PGP: variants seen among roughly 807,000 people sequenced by gnomAD.
PGP encodes the protein aspartate-based ubiquitous Mg(2+)-dependent phosphatase.
PGP carries 9 observed loss-of-function variants against 19.3 expected under a neutral mutation model. That is an observed-to-expected ratio of 0.47 (90% CI 0.28 to 0.81). PGP has a LOEUF of 0.81. PGP is among the 40% of genes least tolerant of loss of function. PGP has a pLI of 0.11. For synonymous variants in PGP, 308 were observed against 226.8 expected (o/e 1.36, Z -3.22); for missense variants, 403 against 479.9 (o/e 0.84, Z 1.50).
rs1486858995 is a variant in PGP at position 2,211,684 on chromosome 16, T to G, written c.*2044A>C. On this transcript the variant is annotated 3_prime_UTR_variant, in exon 2 of 2. Coordinates refer to ENST00000333503, the MANE Select transcript of PGP (RefSeq NM_001042371.3). ...CCACCTGCCTCAGCCTTCCAAAGCG[T>G]TGGGATTACGGGTGTGAGCCACTGC... The G allele has an allele frequency of 2.0e-6, 2 of 984,932 alleles. No homozygotes were observed. The highest frequency in any genetic ancestry group is 3.5e-5 in the African/African-American group (2 of 57,226). 61.0% of individuals were successfully genotyped at this position (984,932 alleles called of 1,614,324 possible). A position where few individuals can be genotyped will look rare whatever the true frequency, so the allele number is the denominator to read the frequency against.
Position 2,213,508 on chromosome 16 carries a change from C to G in PGP, c.*220G>C. On this transcript the variant is annotated 3_prime_UTR_variant, in exon 2 of 2. Coordinates refer to ENST00000333503, the MANE Select transcript of PGP (RefSeq NM_001042371.3). ...AAGGCCCAGAACCCAGCCCACAACG[C>G]CTTCCAAGCCTAAAAGTGCATCTTC... The G allele has an allele frequency of 1.6e-6, 1 of 639,174 alleles. No individual in the cohort carries two copies. The highest frequency in any genetic ancestry group is 4.8e-4 in the Middle Eastern group (1 of 2,070). 39.6% of individuals were successfully genotyped at this position (639,174 alleles called of 1,614,324 possible).
chr16:2,212,801 C>T lies in PGP; in HGVS notation c.*927G>A, dbSNP rs1056690612. 31 of 985,390 alleles carry T rather than the reference C, an allele frequency of 3.1e-5. No homozygotes were observed. The highest frequency in any genetic ancestry group is 3.7e-5 in the Non-Finnish European group (31 of 829,954). 61.0% of individuals were successfully genotyped at this position (985,390 alleles called of 1,614,324 possible). ...TTCCTTGGCCAACACATGCTTCAGC[C>T]GCGCTGCCGGCTGCAGGGCACAGAG... On this transcript the variant is annotated 3_prime_UTR_variant, in exon 2 of 2. Transcript: ENST00000333503.
At position 2,214,750 on chromosome 16, in the gene PGP, C is replaced by G; in HGVS notation, c.28G>C (p.Asp10His). ...GCGCTCAGCCGCACGCAGCGGGCGT[C>G]GTCGCCACCGGCCTCCGCCGCCGCC... MAAAEAGGD[D>H]ARCVRLSAER... Residue 10 changes from aspartate to histidine, a missense_variant, in exon 1 of 2, where the codon GAC (aspartate) becomes CAC (histidine). By Grantham distance (81) the Asp-to-His change is moderately conservative. Coordinates refer to ENST00000333503, the MANE Select transcript of PGP (RefSeq NM_001042371.3). The surrounding 1 kb of genome is among the most constrained non-coding windows in gnomAD (Gnocchi z 7.1). The G allele has an allele frequency of 8.5e-7, 1 of 1,183,082 alleles. No individual in the cohort carries two copies. Among genetic ancestry groups the G allele is most frequent in the African/African-American group, 1.6e-5 (1 of 62,050 alleles). 73.3% of individuals were successfully genotyped at this position (1,183,082 alleles called of 1,614,324 possible).
At position 2,213,041 on chromosome 16, in the gene PGP, C is replaced by G. The variant is rs1300735022; in HGVS notation, c.*687G>C. On this transcript the variant is annotated 3_prime_UTR_variant, in exon 2 of 2. Transcript: ENST00000333503. ...GGGTATAAATGCACACTTGAGACAG[C>G]AGAGCTTTAGCTGGGCTGCGTTTAC... 3.0e-6 allele frequency: 3 copies of G among 985,406 alleles called. No homozygotes were observed. In the African/African-American group the frequency reaches 5.2e-5, roughly 17 times the overall value. 61.0% of individuals were successfully genotyped at this position (985,406 alleles called of 1,614,324 possible).
rs752707230 is a variant in PGP, at chr16:2,212,258, T to C, written c.*1470A>G. On this transcript the variant is annotated 3_prime_UTR_variant, in exon 2 of 2. Transcript: ENST00000333503. ...GCTCTGCAGCACCCTCTGAACCCGA[T>C]ATCCCAGGCCTGGGAGGTGCTGAAG... is the stretch of plus-strand genomic sequence containing the variant. 100 of 985,900 alleles carry C rather than the reference T, an allele frequency of 1.0e-4. No individual in the cohort carries two copies. The Middle Eastern group carries it at 2.6e-3, about 26-fold the overall frequency. 61.1% of individuals were successfully genotyped at this position (985,900 alleles called of 1,614,324 possible). A position where few individuals can be genotyped will look rare whatever the true frequency, so the allele number is the denominator to read the frequency against.
rs2093377342 is a variant in PGP, at chr16:2,212,306, C to T, written c.*1422G>A. ...AAGGCTCAGGACGCCTCTTATTGCT[C>T]TGAAGTCTTTGTGACCAAGTGGAGT... On this transcript the variant is annotated 3_prime_UTR_variant, in exon 2 of 2. Transcript: ENST00000333503. 2 of 986,074 alleles carry T rather than the reference C, an allele frequency of 2.0e-6. No individual in the cohort carries two copies. The highest frequency in any genetic ancestry group is 1.1e-4 in the East Asian group (1 of 8,822). The allele number at this position is 986,074 out of a possible 1,614,324, so 61.1% of individuals were successfully genotyped here.
At position 2,214,431 on chromosome 16, in the gene PGP, G is replaced by A; in HGVS notation, c.347C>T (p.Ala116Val). The stretch of plus-strand genomic sequence containing the variant: ...CAGCACGTAGGCCTTGGGCGCGGGG[G>A]CGCCGGCCAGGCGCTGGCGCAGGTA... ...ALYLRQRLAG[A>V]PAPKAYVLGS... The change falls in exon 1 of 2, where the codon GCC (alanine) becomes GTC (valine). Residue 116 changes from alanine (A) to valine (V), a missense_variant. By Grantham distance (64) the Ala-to-Val change is moderately conservative (BLOSUM62 0). Transcript: ENST00000333503. The surrounding 1 kb of genome is among the most constrained non-coding windows in gnomAD (Gnocchi z 7.1). The A allele has an allele frequency of 2.3e-6, 3 of 1,329,944 alleles. No individual in the cohort carries two copies. The highest frequency in any genetic ancestry group is 2.1e-5 in the South Asian group (1 of 47,898). The allele number at this position is 1,329,944 out of a possible 1,614,324, so 82.4% of individuals were successfully genotyped here.
chr16:2,213,666 A>T lies in PGP; in HGVS notation c.*62T>A. 7.0e-7 allele frequency: 1 copy of T among 1,432,794 alleles called. No individual in the cohort carries two copies. 88.8% of individuals were successfully genotyped at this position (1,432,794 alleles called of 1,614,324 possible). A position where few individuals can be genotyped will look rare whatever the true frequency, so the allele number is the denominator to read the frequency against. On this transcript the variant is annotated 3_prime_UTR_variant, in exon 2 of 2. Transcript: ENST00000333503. ...AGCAGATGCTTAAGCCCCACCTATT[A>T]ATTTGGGTAACTGGTTTTCAATTTC...
rs1248336179 is a variant in PGP at position 2,212,749 on chromosome 16, G to A, written c.*979C>T. 1 of 985,266 alleles carries A rather than the reference G, an allele frequency of 1.0e-6. No homozygotes were observed. The highest frequency in any genetic ancestry group is 1.2e-6 in the Non-Finnish European group (1 of 829,894). The allele number at this position is 985,266 out of a possible 1,614,324, so 61.0% of individuals were successfully genotyped here. ...CAACACATGCTTGAGCCGCGCTGCT[G>A]GCTGCAGGGCACCTGGATGACAGGC... is the stretch of plus-strand genomic sequence containing the variant. On this transcript the variant is annotated 3_prime_UTR_variant, in exon 2 of 2. Transcript: ENST00000333503.
chr16:2,211,774 C>A lies in PGP; in HGVS notation c.*1954G>T, dbSNP rs1407571390. The A allele has an allele frequency of 2.2e-5, 22 of 985,502 alleles. No individual in the cohort carries two copies. The highest frequency in any genetic ancestry group is 2.7e-5 in the Non-Finnish European group (22 of 830,058). The allele number at this position is 985,502 out of a possible 1,614,324, so 61.0% of individuals were successfully genotyped here. ...TGGGCGCTCTGACACGGCAGCCCACCAGCTTCACTCCAGGGCCCTTTGCTT... is the reference window on the plus strand; with the variant it reads ...TGGGCGCTCTGACACGGCAGCCCACAAGCTTCACTCCAGGGCCCTTTGCTT... On this transcript the variant is annotated 3_prime_UTR_variant, in exon 2 of 2. Transcript: ENST00000333503.
In PGP at chr16:2,214,608, C is replaced by A. The variant is rs1178609529; in HGVS notation, c.170G>T (p.Arg57Leu). 6.9e-7 allele frequency: 1 copy of A among 1,457,812 alleles called. No individual in the cohort carries two copies. The allele number at this position is 1,457,812 out of a possible 1,614,324, so 90.3% of individuals were successfully genotyped here. The change falls in exon 1 of 2, where the codon CGA becomes CTA. Residue 57 changes from arginine (R) to leucine (L), a missense_variant. Transcript: ENST00000333503. This position sits in a 1 kb window ranked among gnomAD's most constrained non-coding sequence, Gnocchi z 7.1. ...PGAPEALRAL[R>L]ARGKRLGFIT... ...GAAGCCCAGGCGCTTGCCGCGGGCT[C>A]GCAGCGCCCGCAGGGCCTCGGGCGC...
Position 2,214,032 on chromosome 16 carries a change from G to T in PGP, c.662C>A (p.Ala221Asp). The change falls in exon 2 of 2, where the codon GCC becomes GAC. Residue 221 changes from alanine (A) to aspartate (D), a missense_variant. By Grantham distance (126) the Ala-to-Asp change is moderately radical. Transcript: ENST00000333503. The surrounding 1 kb of genome is among the most constrained non-coding windows in gnomAD (Gnocchi z 7.1). ...CTGGCGCTGGGCGGCCATCTCCACG[G>T]CTCGGACCAGACACCCGGTACCTGC... ...FIAGTGCLVRAVEMAAQRQAD... is the reference protein window; with the variant it reads ...FIAGTGCLVRDVEMAAQRQAD... 6.2e-7 allele frequency: 1 copy of T among 1,601,024 alleles called. No homozygotes were observed.
In PGP at chr16:2,212,170, G is replaced by C. The variant is rs2093377038; in HGVS notation, c.*1558C>G. The C allele has an allele frequency of 1.0e-6, 1 of 985,614 alleles. No individual in the cohort carries two copies. The highest frequency in any genetic ancestry group is 1.2e-6 in the Non-Finnish European group (1 of 829,984). 61.1% of individuals were successfully genotyped at this position (985,614 alleles called of 1,614,324 possible). On this transcript the variant is annotated 3_prime_UTR_variant, in exon 2 of 2. Transcript: ENST00000333503. Reference sequence around the variant, plus strand: ...CACCCTGTCAGGCCAGACCCGGCTTGAGCCAACTTAGCCAAGCCAGCGTCA... The same window carrying C: ...CACCCTGTCAGGCCAGACCCGGCTTCAGCCAACTTAGCCAAGCCAGCGTCA...
chr16:2,213,174 C>T lies in PGP; in HGVS notation c.*554G>A. On this transcript the variant is annotated 3_prime_UTR_variant, in exon 2 of 2. Transcript: ENST00000333503. Reference sequence around the variant, plus strand: ...AGGTGGGAGAGTGGTGAGGGCAGCACTTTGCACCCAAGGGCAGGGAGATGC... The same window carrying T: ...AGGTGGGAGAGTGGTGAGGGCAGCATTTTGCACCCAAGGGCAGGGAGATGC... 3.0e-6 allele frequency: 3 copies of T among 985,564 alleles called. No homozygotes were observed. In the South Asian group the frequency reaches 1.4e-4, roughly 46 times the overall value. The allele number at this position is 985,564 out of a possible 1,614,324, so 61.1% of individuals were successfully genotyped here.
In PGP at chr16:2,213,789, T is replaced by G; in HGVS notation, c.905A>C (p.Lys302Thr). The part of the protein sequence containing the change: ...NQESDCVSKK[K>T]MVPDFYVDSI... ...GTCAACATAGAAGTCAGGGACCATTTTCTTCTTAGACACGCAGTCACTTTC... is the reference window on the plus strand; with the variant it reads ...GTCAACATAGAAGTCAGGGACCATTGTCTTCTTAGACACGCAGTCACTTTC... The change falls in exon 2 of 2, where the codon AAA becomes ACA. Residue 302 changes from lysine to threonine, a missense_variant. Transcript: ENST00000333503. 1 of 1,597,968 alleles carries G rather than the reference T, an allele frequency of 6.3e-7. No individual in the cohort carries two copies. The highest frequency in any genetic ancestry group is 1.3e-5 in the African/African-American group (1 of 74,654).
Position 2,213,946 on chromosome 16 carries a change from T to C in PGP, c.748A>G (p.Ile250Val). 6.2e-7 allele frequency: 1 copy of C among 1,612,572 alleles called. No individual in the cohort carries two copies. The highest frequency in any genetic ancestry group is 8.5e-7 in the Non-Finnish European group (1 of 1,179,228). The change falls in exon 2 of 2, where the codon ATC becomes GTC. Residue 250 changes from isoleucine to valine, a missense_variant. Ile to Val is a conservative substitution (Grantham distance 29, BLOSUM62 3). Transcript: ENST00000333503. ...ACCATGACGGTGCGCTCGGGGTTGA[T>C]GCCGTATTCCTGGGACACGCAGTCG... is the stretch of plus-strand genomic sequence containing the variant. ...IFDCVSQEYG[I>V]NPERTVMVGD...
At position 2,213,592 on chromosome 16, in the gene PGP, T is replaced by C; in HGVS notation, c.*136A>G. ...AAACGTGTACTTACAAGGTTAACAA[T>C]GAATGCCTTTGCTTAACTCCAATTA... On this transcript the variant is annotated 3_prime_UTR_variant, in exon 2 of 2. Coordinates refer to ENST00000333503, the MANE Select transcript of PGP (RefSeq NM_001042371.3). 2.4e-6 allele frequency: 2 copies of C among 842,306 alleles called. No homozygotes were observed. Among genetic ancestry groups the C allele is most frequent in the Non-Finnish European group, 3.4e-6 (2 of 582,236 alleles). 52.2% of individuals were successfully genotyped at this position (842,306 alleles called of 1,614,324 possible). A position where few individuals can be genotyped will look rare whatever the true frequency, so the allele number is the denominator to read the frequency against.
chr16:2,214,518 C>G lies in PGP; in HGVS notation c.260G>C (p.Gly87Ala). 4 of 1,438,300 alleles carry G rather than the reference C, an allele frequency of 2.8e-6. No homozygotes were observed. The highest frequency in any genetic ancestry group is 2.7e-6 in the Non-Finnish European group (3 of 1,098,824). 89.1% of individuals were successfully genotyped at this position (1,438,300 alleles called of 1,614,324 possible). A position where few individuals can be genotyped will look rare whatever the true frequency, so the allele number is the denominator to read the frequency against. The change falls in exon 1 of 2, where the codon GGC becomes GCC. Residue 87 changes from glycine to alanine, a missense_variant. By Grantham distance (60) the Gly-to-Ala change is moderately conservative. Coordinates refer to ENST00000333503, the MANE Select transcript of PGP (RefSeq NM_001042371.3). This position sits in a 1 kb window ranked among gnomAD's most constrained non-coding sequence, Gnocchi z 7.1. Reference protein sequence around the residue: ...YAEKLRRLGFGGPAGPGASLE... With the variant: ...YAEKLRRLGFAGPAGPGASLE... ...GCTGGCGCCGGGCCCCGCGGGGCCG[C>G]CGAAGCCCAGGCGCCGCAGCTTCTC...
In PGP at chr16:2,214,402, T is replaced by C; in HGVS notation, c.376A>G (p.Ser126Gly). 2 of 1,383,782 alleles carry C rather than the reference T, an allele frequency of 1.4e-6. No individual in the cohort carries two copies. Among genetic ancestry groups the C allele is most frequent in the South Asian group, 1.7e-5 (1 of 59,636 alleles). 85.7% of individuals were successfully genotyped at this position (1,383,782 alleles called of 1,614,324 possible). A position where few individuals can be genotyped will look rare whatever the true frequency, so the allele number is the denominator to read the frequency against. ...APAPKAYVLG[S>G]PALAAELEAV... ...TCCAGCTCCGCGGCCAGGGCTGGGC[T>C]GCCCAGCACGTAGGCCTTGGGCGCG... The change falls in exon 1 of 2, where the codon AGC becomes GGC. Residue 126 changes from serine (S) to glycine (G), a missense_variant. Physicochemically the swap from Ser to Gly is moderately conservative, Grantham distance 56. Coordinates refer to ENST00000333503, the MANE Select transcript of PGP (RefSeq NM_001042371.3). The surrounding 1 kb of genome is among the most constrained non-coding windows in gnomAD (Gnocchi z 7.1).
Sources: allele counts gnomAD v4.1 joint callset, GRCh38; gene constraint gnomAD v4.1.1; non-coding constraint Gnocchi (gnomAD v3.1); transcripts MANE v1.5; gene names NCBI Gene and HGNC (gene_info 2026-07-23, HGNC 2026-07-21).